Variants in PIGV observed in about 807,000 individuals in gnomAD.
PIGV encodes phosphatidylinositol glycan anchor biosynthesis class V.
In PIGV, 27 loss-of-function variants were observed where a neutral mutation model predicts 39.2. The ratio of observed to expected loss-of-function variants is 0.69; its 90% CI spans 0.51 to 0.95. The LOEUF is 0.95. Ranked by LOEUF, PIGV falls within the 40% of genes least tolerant of loss-of-function variation. PIGV has a pLI of 0.00. For missense variants in PIGV, 523 were observed against 586.4 expected, an observed-to-expected ratio of 0.89 and a Z score of 1.12; for synonymous variants, 232 against 241.7, an observed-to-expected ratio of 0.96 and a Z score of 0.37.
chr1:26,799,266 C>T lies in PIGV; in HGVS notation c.*1422C>T, dbSNP rs1359163475. On this transcript the variant is annotated 3_prime_UTR_variant, in exon 4 of 4. Transcript: ENST00000674202. ...TAGACATGGGTCAGAGGCGCCAACA[C>T]GGCGGCAGGAATTGGTAAATTGTAC... Among the ~76,000 whole-genome samples the T allele has an allele frequency of 1.3e-5, 2 of 152,158 alleles. No individual in the cohort carries two copies. Among genetic ancestry groups the T allele is most frequent in the South Asian group, 2.1e-4 (1 of 4,830 alleles).
At chr1:26,796,846 TAGAG>T (rs1235641120) in intron 3 of PIGV, among the ~76,000 whole-genome samples, 10 of 152,136 alleles carry the variant, frequency 6.6e-5, no homozygotes, top group Admixed American at 2.6e-4. Flanking sequence ...GCGGTGGTGA[TAGAG>T]AGGGATGGGA....
rs2081412456 is a variant in PIGV at position 26,798,309 on chromosome 1, T to G, written c.*465T>G. On this transcript the variant is annotated 3_prime_UTR_variant, in exon 4 of 4. Coordinates refer to ENST00000674202, the MANE Select transcript of PIGV (RefSeq NM_017837.4). Reference sequence around the variant, plus strand: ...CCATTTTTTCCAAATGCGACATTGTTTCTGATGTTTTTTTTTATGATTTGT... The same window carrying G: ...CCATTTTTTCCAAATGCGACATTGTGTCTGATGTTTTTTTTTATGATTTGT... 1 of 156,992 alleles carries G rather than the reference T, an allele frequency of 6.4e-6. No homozygotes were observed. Among genetic ancestry groups the G allele is most frequent in the Non-Finnish European group, 1.4e-5 (1 of 71,050 alleles). The allele number at this position is 156,992 out of a possible 1,614,324, so 9.7% of individuals were successfully genotyped here.
Position 26,800,457 on chromosome 1 carries a change from T to G in PIGV, c.*2613T>G, listed in dbSNP as rs2081436700. Among the ~76,000 whole-genome samples the G allele has an allele frequency of 2.0e-5, 3 of 152,176 alleles. No individual in the cohort carries two copies. The highest frequency in any genetic ancestry group is 7.2e-5 in the African/African-American group (3 of 41,438). ...CGTACCTAGAAGTAGATGCTTTTTT[T>G]TGTTCTTTAATGAAGGTGGGAGGAG... On this transcript the variant is annotated 3_prime_UTR_variant, in exon 4 of 4. Coordinates refer to ENST00000674202, the MANE Select transcript of PIGV (RefSeq NM_017837.4).
chr1:26,792,291 G>T (rs1399644000), intron 2 of PIGV, among the ~76,000 whole-genome samples: 2 of 150,184 alleles, frequency 1.3e-5, no homozygotes, highest in African/African-American at 4.9e-5. Flanking sequence ...TAGCTGAGGC[G>T]CCCGCCACCA....
chr1:26,788,588 A>G (rs2081270040), intron 1 of PIGV: 2 of 152,328 alleles, frequency 1.3e-5, no homozygotes. Flanking sequence ...TGGCTCGGAA[A>G]GGGCGCGTAC....
chr1:26,788,791 A>T (rs2081273536), intron 1 of PIGV: 1 of 152,122 alleles, frequency 6.6e-6, no homozygotes, highest in African/African-American at 2.4e-5. Context: ...CTCACGGGAA[A>T]ATTTTTGAAG....
In PIGV at chr1:26,794,645, C is replaced by T. The variant is rs748002602; in HGVS notation, c.611C>T (p.Ser204Phe). Residue 204 changes from serine (S) to phenylalanine (F), a missense_variant, in exon 3 of 4, where the codon TCC (serine) becomes TTC (phenylalanine). By Grantham distance (155) the Ser-to-Phe change is radical. Coordinates refer to ENST00000674202, the MANE Select transcript of PIGV (RefSeq NM_017837.4). ...TTTGCCTTTGCCACTGGGGTACGCT[C>T]CAACGGGCTGGTCAGTGTTGGCTTC... ...LLFAFATGVR[S>F]NGLVSVGFLM... The T allele has an allele frequency of 1.6e-5, 26 of 1,614,222 alleles. No individual in the cohort carries two copies. The highest frequency in any genetic ancestry group is 1.6e-4 in the Middle Eastern group (1 of 6,062).
chr1:26,796,566 C>T (rs1446522430), intron 3 of PIGV, among the ~76,000 whole-genome samples: 4 of 152,042 alleles, frequency 2.6e-5, no homozygotes, highest in Admixed American at 2.6e-4. Flanking sequence ...CAGCTGGGTC[C>T]TGAAGAATGA....
chr1:26,790,728 A>G, intron 1 of PIGV, 31 bp from the exon 2 acceptor site: 1 of 1,034,858 alleles, frequency 9.7e-7, no homozygotes, highest in Non-Finnish European at 1.5e-6. Context: ...CTTTCACTCG[A>G]TGTGTGACAT....
In PIGV at chr1:26,799,939, C is replaced by A. The variant is rs1435551129; in HGVS notation, c.*2095C>A. On this transcript the variant is annotated 3_prime_UTR_variant, in exon 4 of 4. Transcript: ENST00000674202. Reference sequence around the variant, plus strand: ...GGGGTCCTGTTTCAGCTCTTTATTGCCGAGGTAGGAGCACTGGGTTCTTCG... The same window carrying A: ...GGGGTCCTGTTTCAGCTCTTTATTGACGAGGTAGGAGCACTGGGTTCTTCG... Among the ~76,000 whole-genome samples the A allele has an allele frequency of 6.6e-6, 1 of 152,158 alleles. No individual in the cohort carries two copies. The highest frequency in any genetic ancestry group is 1.5e-5 in the Non-Finnish European group (1 of 68,012).
Position 26,794,669 on chromosome 1 carries a change from T to C in PIGV, c.635T>C (p.Phe212Ser). Reference sequence around the variant, plus strand: ...TCCAACGGGCTGGTCAGTGTTGGCTTCCTCATGCATTCTCAATGCCAAGGC... The same window carrying C: ...TCCAACGGGCTGGTCAGTGTTGGCTCCCTCATGCATTCTCAATGCCAAGGC... ...VRSNGLVSVG[F>S]LMHSQCQGFF... is the part of the protein sequence containing the mutation. Residue 212 changes from phenylalanine (F) to serine (S), a missense_variant, in exon 3 of 4, where the codon TTC (phenylalanine) becomes TCC (serine). By Grantham distance (155) the Phe-to-Ser change is radical. Coordinates refer to ENST00000674202, the MANE Select transcript of PIGV (RefSeq NM_017837.4). 1 of 1,614,248 alleles carries C rather than the reference T, an allele frequency of 6.2e-7. No individual in the cohort carries two copies. Among genetic ancestry groups the C allele is most frequent in the South Asian group, 1.1e-5 (1 of 91,082 alleles).
Position 26,797,853 on chromosome 1 carries a change from C to T in PIGV, c.*9C>T. The stretch of plus-strand genomic sequence containing the variant: ...TCCTGCCTTGGACATGACCTGGACT[C>T]TCCAGGGACAGGTTGGAAGCCAACT... On this transcript the variant is annotated 3_prime_UTR_variant, in exon 4 of 4. Transcript: ENST00000674202. 1.2e-6 allele frequency: 2 copies of T among 1,613,494 alleles called. No individual in the cohort carries two copies. The highest frequency in any genetic ancestry group is 1.7e-6 in the Non-Finnish European group (2 of 1,179,418).
intron 3 of PIGV, among the ~76,000 whole-genome samples, chr1:26,796,273 A>C (rs567700344): frequency 2.1e-4 from 30 of 144,992 alleles, no homozygotes; most frequent in African/African-American, 7.5e-4. Context: ...GGTTCACGCC[A>C]TTCTCCTGCC....
At position 26,800,508 on chromosome 1, in the gene PIGV, C is replaced by T. The variant is rs2081437226; in HGVS notation, c.*2664C>T. Among the ~76,000 whole-genome samples the T allele has an allele frequency of 6.6e-6, 1 of 152,056 alleles. No homozygotes were observed. Among genetic ancestry groups the T allele is most frequent in the African/African-American group, 2.4e-5 (1 of 41,386 alleles). On this transcript the variant is annotated 3_prime_UTR_variant, in exon 4 of 4. Coordinates refer to ENST00000674202, the MANE Select transcript of PIGV (RefSeq NM_017837.4). The stretch of plus-strand genomic sequence containing the variant: ...AGTGTTTGACATACCTTTACCAGTC[C>T]TCCTGGAAAAATGTTACTTTTATTG...
At chr1:26,791,019 A>G in intron 2 of PIGV, 126 bp downstream of exon 2, 1 of 775,226 alleles carries the variant, frequency 1.3e-6, no homozygotes, top group Non-Finnish European at 2.2e-6. Flanking sequence ...CCACAGAGAC[A>G]TAGACTTTAG....
At chr1:26,792,446 G>A (rs1379441485) in intron 2 of PIGV, among the ~76,000 whole-genome samples, 1 of 151,150 alleles carries the variant, frequency 6.6e-6, no homozygotes, top group East Asian at 1.9e-4. Flanking sequence ...TCCTGCCTCA[G>A]CCTCCCGAGT....
upstream of PIGV, among the ~76,000 whole-genome samples, chr1:26,787,239 C>G (rs552026618): frequency 4.9e-4 from 74 of 152,328 alleles, no homozygotes; most frequent in Non-Finnish European, 1.5e-4. Context: ...GCCGCTCCCC[C>G]CAATAGACGG....
At chr1:26,791,305 G>T (rs2081306516) in intron 2 of PIGV, among the ~76,000 whole-genome samples, 1 of 152,090 alleles carries the variant, frequency 6.6e-6, no homozygotes, top group African/African-American at 2.4e-5. Context: ...TCAGTTGAGT[G>T]GGAGAAACGT....
chr1:26,793,231 ATTGTTG>A (rs1306322982), intron 2 of PIGV, among the ~76,000 whole-genome samples: 1 of 152,064 alleles, frequency 6.6e-6, no homozygotes, highest in African/African-American at 2.4e-5. Context: ...TTTACCCCAC[ATTGTTG>A]TTCACCTACT....
Sources: gnomAD v4.1 joint callset for allele counts (sites outside exome capture counted in the v4.1 genomes callset) on GRCh38, gnomAD v4.1.1 for gene constraint, MANE v1.5 for transcripts, NCBI Gene and HGNC (gene_info 2026-07-23, HGNC 2026-07-21) for gene names.